Variants in JAK1 observed in about 807,000 individuals in gnomAD.
JAK1 encodes tyrosine-protein kinase JAK1.
In JAK1, 16 loss-of-function variants were observed where a neutral mutation model predicts 136.6. That is an observed-to-expected ratio of 0.12 (90% CI 0.08 to 0.18). The LOEUF (loss-of-function observed/expected upper bound fraction) is 0.18. JAK1 is among the 10% of genes least tolerant of loss of function. The probability of loss-of-function intolerance (pLI) is 1.00; values close to 1 mark genes in which losing one functional copy is unlikely to be tolerated. For synonymous variants in JAK1, 492 were observed against 519.5 expected, an observed-to-expected ratio of 0.95 and a Z score of 0.72; for missense variants, 859 against 1,450.1, an observed-to-expected ratio of 0.59 and a Z score of 6.62.
At position 64,864,825 on chromosome 1, in the gene JAK1, A is replaced by C; in HGVS notation, c.1138T>G (p.Ser380Ala). 1 of 1,613,674 alleles carries C rather than the reference A, an allele frequency of 6.2e-7. No individual in the cohort carries two copies. The highest frequency in any genetic ancestry group is 2.2e-5 in the East Asian group (1 of 44,872). Residue 380 changes from serine to alanine, a missense_variant, in exon 8 of 25, where the codon TCT becomes GCT. Physicochemically the swap from Ser to Ala is moderately conservative, Grantham distance 99. Coordinates refer to ENST00000342505, the MANE Select transcript of JAK1 (RefSeq NM_002227.4). ...TCCTGCTTGTTAATGCTGACCACAG[A>C]CTCCTTTATTACAATGTGAGTGATT... is the stretch of plus-strand genomic sequence containing the variant. ...PEITHIVIKE[S>A]VVSINKQDNK...
At chr1:64,961,696 T>A (rs1188272302) in intron 1 of JAK1, among the ~76,000 whole-genome samples, 1 of 152,012 alleles carries the variant, frequency 6.6e-6, no homozygotes. Context: ...TGCCTAGACT[T>A]CCTTCCCACC....
At chr1:64,995,032 A>T (rs1254748896) in intron 2 of JAK1, 4 of 151,806 alleles carry the variant, frequency 2.6e-5, no homozygotes, top group African/African-American at 7.3e-5. Flanking sequence ...AAGCAACCAA[A>T]TTCTCCTCGT....
At chr1:65,057,645 T>C (rs758275632) in intron 1 of JAK1, 1 of 154,704 alleles carries the variant, frequency 6.5e-6, no homozygotes, top group Non-Finnish European at 1.5e-5. Flanking sequence ...GCTATGATCA[T>C]GCCACTGCAC....
chr1:65,025,726 A>G (rs926049444), intron 2 of JAK1, among the ~76,000 whole-genome samples: 1 of 151,988 alleles, frequency 6.6e-6, no homozygotes, highest in Admixed American at 6.5e-5. Flanking sequence ...CACCCAGGCT[A>G]GAGTGCACTG....
chr1:64,845,425 G>A, intron 15 of JAK1, 88 bp downstream of exon 15: 3 of 1,486,372 alleles, frequency 2.0e-6, no homozygotes, highest in Non-Finnish European at 2.8e-6. Flanking sequence ...GGCCCCTCTA[G>A]CTGCTTGGCT....
chr1:64,890,580 T>C (rs555889374), intron 1 of JAK1, among the ~76,000 whole-genome samples: 1 of 152,290 alleles, frequency 6.6e-6, no homozygotes, highest in East Asian at 1.9e-4. Context: ...GGAGTTTGAG[T>C]CCAGCCTGGG....
intron 1 of JAK1, among the ~76,000 whole-genome samples, chr1:65,053,918 T>C (rs1475485951): frequency 1.3e-5 from 2 of 152,156 alleles, no homozygotes; most frequent in South Asian, 2.1e-4. Context: ...AGCAAAATAT[T>C]TGAAATTAGC....
At chr1:64,937,285 C>T (rs746623491) in intron 1 of JAK1, among the ~76,000 whole-genome samples, 1 of 152,194 alleles carries the variant, frequency 6.6e-6, no homozygotes, top group Non-Finnish European at 1.5e-5. Context: ...CCCCAGAGAG[C>T]TCCACAGCAT....
intron 1 of JAK1, among the ~76,000 whole-genome samples, chr1:64,933,669 T>C (rs2100465184): frequency 6.6e-6 from 1 of 152,308 alleles, no homozygotes; most frequent in Non-Finnish European, 1.5e-5. Context: ...TCTACAAAAT[T>C]GTGGTGCCAG....
In JAK1 at chr1:64,860,234, G is replaced by C. The variant is rs763069061; in HGVS notation, c.1205C>G (p.Ala402Gly). Residue 402 changes from alanine to glycine, a missense_variant, in exon 9 of 25, where the codon GCC (alanine) becomes GGC (glycine). Physicochemically the swap from Ala to Gly is moderately conservative, Grantham distance 60. This residue lies in a region of JAK1 where 353 missense variants were observed against 494.0 expected (regional missense o/e 0.71). Transcript: ENST00000342505. Reference protein sequence around the residue: ...MELKLSSHEEALSFVSLVDGY... With the variant: ...MELKLSSHEEGLSFVSLVDGY... Reference sequence around the variant, plus strand: ...ATCTACCAGGGACACAAAGGACAAGGCCTCCTCGTGGGAAGAGAGCTTCAG... The same window carrying C: ...ATCTACCAGGGACACAAAGGACAAGCCCTCCTCGTGGGAAGAGAGCTTCAG... 7.5e-6 allele frequency: 12 copies of C among 1,607,730 alleles called. No homozygotes were observed. Among genetic ancestry groups the C allele is most frequent in the Non-Finnish European group, 8.5e-6 (10 of 1,175,792 alleles).
At chr1:64,890,751 G>C (rs1315204983) in intron 1 of JAK1, among the ~76,000 whole-genome samples, 1 of 152,170 alleles carries the variant, frequency 6.6e-6, no homozygotes, top group East Asian at 1.9e-4. Context: ...GACTAAAGTG[G>C]GCTATGAATC....
chr1:64,841,697 C>G, intron 17 of JAK1, 96 bp from the exon 18 acceptor site: 1 of 1,214,848 alleles, frequency 8.2e-7, no homozygotes, highest in Non-Finnish European at 1.2e-6. Context: ...TCATTCGATT[C>G]TCAACATCTC....
chr1:64,844,625 A>C lies in JAK1; in HGVS notation c.2251+129T>G. 9.2e-7 allele frequency: 1 copy of C among 1,084,742 alleles called. No individual in the cohort carries two copies. Among genetic ancestry groups the C allele is most frequent in the Non-Finnish European group, 1.3e-6 (1 of 750,394 alleles). The allele number at this position is 1,084,742 out of a possible 1,614,324, so 67.2% of individuals were successfully genotyped here. A position where few individuals can be genotyped will look rare whatever the true frequency, so the allele number is the denominator to read the frequency against. The stretch of plus-strand genomic sequence containing the variant: ...AGACCATCCTGGCCAACATGGTGAA[A>C]CCCCGTCTCTACTAAAATACAAAAA... On this transcript the variant is annotated intron_variant, in intron 16 of 24. Transcript: ENST00000342505. The surrounding 1 kb of genome is among the most constrained non-coding windows in gnomAD (Gnocchi z 5.7).
chr1:64,838,485 A>G lies in JAK1; in HGVS notation c.2947T>C (p.Tyr983His). The G allele has an allele frequency of 6.2e-7, 1 of 1,614,104 alleles. No homozygotes were observed. The highest frequency in any genetic ancestry group is 8.5e-7 in the Non-Finnish European group (1 of 1,179,960). The change falls in exon 21 of 25, where the codon TAT becomes CAT. Residue 983 changes from tyrosine (Y) to histidine (H), a missense_variant. By Grantham distance (83) the Tyr-to-His change is moderately conservative. Transcript: ENST00000342505. ...TTTACCTTACAAATCTGAACGGCAT[A>G]TTTTAGCTGCTGTTTGAGGTTTATT... is the stretch of plus-strand genomic sequence containing the variant. The part of the protein sequence containing the change: ...NKINLKQQLK[Y>H]AVQICKGMDY...
intron 2 of JAK1, among the ~76,000 whole-genome samples, chr1:65,018,739 G>A (rs1646912133): frequency 1.3e-5 from 2 of 152,202 alleles, no homozygotes; most frequent in African/African-American, 4.8e-5. Context: ...GGCCGGGCCC[G>A]GCGGCTCACG....
At chr1:64,995,404 G>A (rs1646695683) in intron 2 of JAK1, among the ~76,000 whole-genome samples, 1 of 152,110 alleles carries the variant, frequency 6.6e-6, no homozygotes, top group South Asian at 2.1e-4. Context: ...GCCCTAAACG[G>A]AACTAATAGC....
At chr1:64,951,426 A>G (rs186676735) in intron 1 of JAK1, among the ~76,000 whole-genome samples, 4 of 152,292 alleles carry the variant, frequency 2.6e-5, no homozygotes, top group Admixed American at 1.3e-4. Context: ...AGAGGACTAA[A>G]TAAGTCTCTT....
At chr1:64,970,060 A>T (rs1039334228), upstream of JAK1, among the ~76,000 whole-genome samples, 22 of 145,956 alleles carry the variant, frequency 1.5e-4, no homozygotes, top group Non-Finnish European at 2.7e-4. Flanking sequence ...ACTTGAGCCC[A>T]GGAGATCAAG....
chr1:65,009,784 G>A (rs1212701438), intron 2 of JAK1, among the ~76,000 whole-genome samples: 3 of 152,160 alleles, frequency 2.0e-5, no homozygotes, highest in African/African-American at 7.2e-5. Flanking sequence ...AGAGTTACTG[G>A]CCCATGGTCA....
Sources: allele counts gnomAD v4.1 joint callset (sites outside exome capture counted in the v4.1 genomes callset), GRCh38; gene constraint gnomAD v4.1.1; regional missense constraint gnomAD v4.1.1; non-coding constraint Gnocchi (gnomAD v3.1); transcripts MANE v1.5; gene names NCBI Gene and HGNC (gene_info 2026-07-23, HGNC 2026-07-21).